The following LRRC1 variants were observed in gnomAD, a reference collection of about 807,000 sequenced individuals.
LRRC1 encodes the protein leucine-rich repeat-containing protein 1.
A neutral mutation model predicts 69.9 loss-of-function variants in LRRC1; 28 were observed. The ratio of observed to expected loss-of-function variants is 0.40; its 90% CI spans 0.30 to 0.55. The LOEUF is 0.55. Ranked by LOEUF, LRRC1 falls within the 20% of genes least tolerant of loss-of-function variation. LRRC1 has a pLI of 0.47. For missense variants in LRRC1, 498 were observed against 609.0 expected (o/e 0.82, Z 1.92); for synonymous variants, 236 against 240.2 (o/e 0.98, Z 0.16).
intron 4 of LRRC1, among the ~76,000 whole-genome samples, chr6:53,891,407 G>A (rs897052298): frequency 2.0e-5 from 3 of 151,740 alleles, no homozygotes; most frequent in Non-Finnish European, 4.4e-5. Context: ...AAGATACTGT[G>A]CAATTGTTGA....
intron 1 of LRRC1, among the ~76,000 whole-genome samples, chr6:53,841,640 G>C (rs1312677271): frequency 6.6e-6 from 1 of 151,974 alleles, no homozygotes; most frequent in Non-Finnish European, 1.5e-5. Flanking sequence ...TATATTTTTT[G>C]CTTGCACACA....
intron 3 of LRRC1, among the ~76,000 whole-genome samples, chr6:53,881,669 T>C (rs891420900): frequency 5.3e-5 from 8 of 152,180 alleles, no homozygotes; most frequent in Non-Finnish European, 1.2e-4. Flanking sequence ...AGGCCTTTTT[T>C]AAAAGGAACC....
chr6:53,885,887 G>C (rs542536727), intron 4 of LRRC1, among the ~76,000 whole-genome samples: 2 of 152,090 alleles, frequency 1.3e-5, no homozygotes, highest in Non-Finnish European at 2.9e-5. Context: ...ACTGGACTAC[G>C]GCTCTCCAGG....
intron 8 of LRRC1, among the ~76,000 whole-genome samples, chr6:53,901,404 G>T (rs1411667072): frequency 6.6e-6 from 1 of 152,124 alleles, no homozygotes; most frequent in Non-Finnish European, 1.5e-5. Flanking sequence ...GCCAAGTGGG[G>T]TGGCACATGC....
chr6:53,848,812 C>T (rs1766031022), intron 2 of LRRC1, among the ~76,000 whole-genome samples: 1 of 151,728 alleles, frequency 6.6e-6, no homozygotes, highest in Admixed American at 6.6e-5. Context: ...GGCTGGAGTG[C>T]AGTGGCGCCA....
rs1768171670 is a variant in LRRC1, at chr6:53,904,587, A to C, written c.990+125A>C. On this transcript the variant is annotated intron_variant, in intron 10 of 13. Transcript: ENST00000370888. Reference sequence around the variant, plus strand: ...TTGTTTTTTAAAGGTGTGAACTCTAAATCTGTGAGTATAGAGCCAACTGGA... The same window carrying C: ...TTGTTTTTTAAAGGTGTGAACTCTACATCTGTGAGTATAGAGCCAACTGGA... 3 of 597,462 alleles carry C rather than the reference A, an allele frequency of 5.0e-6. No homozygotes were observed. The African/African-American group carries it at 5.7e-5, about 11-fold the overall frequency. 37.0% of individuals were successfully genotyped at this position (597,462 alleles called of 1,614,324 possible).
chr6:53,868,207 T>C (rs942996880), intron 2 of LRRC1, among the ~76,000 whole-genome samples: 1 of 151,310 alleles, frequency 6.6e-6, no homozygotes, highest in Admixed American at 6.7e-5. Context: ...ATGTTATTTC[T>C]ATTGGTAATG....
chr6:53,851,527 C>CCACTA (rs1306577171), intron 2 of LRRC1, among the ~76,000 whole-genome samples: 1 of 152,110 alleles, frequency 6.6e-6, no homozygotes, highest in Non-Finnish European at 1.5e-5. Context: ...TGGATGATGC[C>CCACTA]CACTACATTG....
chr6:53,916,862 G>A (rs9382256), intron 11 of LRRC1, among the ~76,000 whole-genome samples: 29,913 of 152,064 alleles, frequency 0.2, 3,403 homozygotes, highest in East Asian at 0.49. Context: ...GTCACTTGGG[G>A]CTGGGTTGGT....
chr6:53,848,534 C>A (rs186247323), intron 2 of LRRC1, among the ~76,000 whole-genome samples: 102 of 152,198 alleles, frequency 6.7e-4, no homozygotes, highest in African/African-American at 2.3e-3. Flanking sequence ...ACTTTTTACC[C>A]ATTTTCTTCT....
chr6:53,812,808 G>T (rs534942477), intron 1 of LRRC1, among the ~76,000 whole-genome samples: 34 of 152,082 alleles, frequency 2.2e-4, no homozygotes, highest in African/African-American at 8.2e-4. Context: ...AGGGCAGTCT[G>T]CTAGGTGAGG....
intron 1 of LRRC1, among the ~76,000 whole-genome samples, chr6:53,831,906 G>A (rs1765438306): frequency 6.6e-6 from 1 of 152,162 alleles, no homozygotes; most frequent in Admixed American, 6.5e-5. Context: ...TGGATAATAG[G>A]TAATCCTAAA....
chr6:53,821,879 GTTTT>G (rs34507757), intron 1 of LRRC1, among the ~76,000 whole-genome samples: 54,062 of 143,404 alleles, frequency 0.38, 10,232 homozygotes, highest in East Asian at 0.63. Context: ...AGTAATGCTA[GTTTT>G]TTTTTTTTTT....
chr6:53,834,394 G>A (rs2127413569), intron 1 of LRRC1, among the ~76,000 whole-genome samples: 1 of 152,232 alleles, frequency 6.6e-6, no homozygotes, highest in East Asian at 1.9e-4. Context: ...GACAGCATTG[G>A]TAATTTTAGT....
Position 53,797,477 on chromosome 6 carries a change from C to CT in LRRC1, c.159+2063dup, listed in dbSNP as rs554689699. On this transcript the variant is annotated intron_variant, in intron 1 of 13. Transcript: ENST00000370888. ...CCATCCCTTCCATTCTTTCCTTGGGCTATCTGTTGTCTCACCTCTGAGATC... is the reference window on the plus strand; with the variant it reads ...CCATCCCTTCCATTCTTTCCTTGGGCTTATCTGTTGTCTCACCTCTGAGATC... Among the ~76,000 whole-genome samples, 143 of 152,284 alleles carry CT rather than the reference C, an allele frequency of 9.4e-4. 1 individual carries two copies. The highest frequency in any genetic ancestry group is 3.4e-3 in the Middle Eastern group (1 of 294).
At position 53,795,209 on chromosome 6, in the gene LRRC1, C is replaced by G; in HGVS notation, c.-48C>G. 1 of 1,536,334 alleles carries G rather than the reference C, an allele frequency of 6.5e-7. No homozygotes were observed. The highest frequency in any genetic ancestry group is 1.2e-5 in the South Asian group (1 of 82,030). ...CCGCCGGCCAGAGCGGGCTCGGAGC[C>G]CGGGTCTCCGCCGCTCGGGACCCGG... On this transcript the variant is annotated 5_prime_UTR_variant, in exon 1 of 14. Coordinates refer to ENST00000370888, the MANE Select transcript of LRRC1 (RefSeq NM_018214.5).
chr6:53,882,809 T>A (rs1767342362), intron 3 of LRRC1, 78 bp from the exon 4 acceptor site: 6 of 813,930 alleles, frequency 7.4e-6, no homozygotes, highest in Non-Finnish European at 9.7e-6. Flanking sequence ...ATAGAATAAA[T>A]CATTATATTT....
chr6:53,797,257 A>G (rs781490253), intron 1 of LRRC1, among the ~76,000 whole-genome samples: 2 of 152,156 alleles, frequency 1.3e-5, no homozygotes, highest in Non-Finnish European at 2.9e-5. Flanking sequence ...CTCTGTAAAT[A>G]TGGTAAATAA....
At chr6:53,902,854 C>A in intron 9 of LRRC1, 107 bp downstream of exon 9, 1 of 692,390 alleles carries the variant, frequency 1.4e-6, no homozygotes, top group South Asian at 2.4e-5. Context: ...CATCCCAAAA[C>A]GGTCTTACAA....
Sources: gnomAD v4.1 joint callset for allele counts (sites outside exome capture counted in the v4.1 genomes callset) on GRCh38, gnomAD v4.1.1 for gene constraint, MANE v1.5 for transcripts, NCBI Gene and HGNC (gene_info 2026-07-23, HGNC 2026-07-21) for gene names.